Variants in NCAM1 observed in about 807,000 individuals in gnomAD.
NCAM1 encodes the protein neural cell adhesion molecule 1, also known as antigen recognized by monoclonal antibody 5.1H11.
A neutral mutation model predicts 109.8 loss-of-function variants in NCAM1; 14 were observed. That is an observed-to-expected ratio of 0.13 (90% confidence interval 0.08 to 0.20). The LOEUF (loss-of-function observed/expected upper bound fraction) is 0.20. Among genes scored for constraint, NCAM1 ranks in the 10% least tolerant of loss-of-function variants. The pLI is 1.00. For synonymous variants in NCAM1, 418 were observed against 442.9 expected, an observed-to-expected ratio of 0.94 and a Z score of 0.70; for missense variants, 774 against 1,109.9, an observed-to-expected ratio of 0.70 and a Z score of 4.30.
chr11:113,238,125 T>A (rs1355050764), intron 14 of NCAM1, among the ~76,000 whole-genome samples: 1 of 152,004 alleles, frequency 6.6e-6, no homozygotes, highest in Admixed American at 6.6e-5. Flanking sequence ...TCAAAATGGA[T>A]AAGTAACCAC....
intron 9 of NCAM1, chr11:113,231,227 G>C: frequency 6.5e-7 from 1 of 1,536,184 alleles, no homozygotes; most frequent in Admixed American, 2.0e-5. Context: ...CAAGTGGGCA[G>C]ACAGAAAGGA....
chr11:113,112,336 C>T (rs1193733461), intron 1 of NCAM1, among the ~76,000 whole-genome samples: 1 of 152,136 alleles, frequency 6.6e-6, no homozygotes, highest in African/African-American at 2.4e-5. Context: ...CTTTAAAAGG[C>T]ACAATAAATA....
chr11:113,142,654 C>T (rs977362585), intron 1 of NCAM1, among the ~76,000 whole-genome samples: 2 of 152,172 alleles, frequency 1.3e-5, no homozygotes, highest in African/African-American at 4.8e-5. Flanking sequence ...TGCAGTCCCC[C>T]TTTGCTGTGT....
At chr11:113,032,370 A>G (rs1952748068) in intron 1 of NCAM1, among the ~76,000 whole-genome samples, 1 of 152,060 alleles carries the variant, frequency 6.6e-6, no homozygotes, top group South Asian at 2.1e-4. Flanking sequence ...GGGATGTGGG[A>G]CTGCAGCAAG....
At position 113,233,585 on chromosome 11, in the gene NCAM1, G is replaced by A. The variant is rs141003591; in HGVS notation, c.1693+268G>A. On this transcript the variant is annotated intron_variant, in intron 13 of 19. Transcript: ENST00000316851. This position sits in a 1 kb window ranked among gnomAD's most constrained non-coding sequence, Gnocchi z 4.5. ...CAGGAACCTTGTGTAGGTTCTGAGC[G>A]CAGCCAGATGAGTCCAGCCCATAGG... Among the ~76,000 whole-genome samples the A allele has an allele frequency of 5.2e-4, 79 of 152,304 alleles. No homozygotes were observed. Among genetic ancestry groups the A allele is most frequent in the Middle Eastern group, 3.4e-3 (1 of 294 alleles).
intron 17 of NCAM1, chr11:113,264,448 C>G: frequency 1.0e-6 from 1 of 985,576 alleles, no homozygotes; most frequent in Non-Finnish European, 1.2e-6. Context: ...CTCAACCCAG[C>G]CACAAAACTC....
intron 8 of NCAM1, among the ~76,000 whole-genome samples, chr11:113,221,018 C>T (rs1187699636): frequency 1.3e-5 from 2 of 152,134 alleles, no homozygotes; most frequent in Non-Finnish European, 2.9e-5. Flanking sequence ...GCAGTCTGGT[C>T]CTACTGGTAT....
chr11:113,110,426 TA>T (rs750983341), intron 1 of NCAM1, among the ~76,000 whole-genome samples: 2 of 152,216 alleles, frequency 1.3e-5, no homozygotes, highest in Non-Finnish European at 2.9e-5. Flanking sequence ...TGCTCTGGTT[TA>T]AATTTGGCTA....
chr11:112,972,268 G>A (rs572976182), intron 1 of NCAM1, among the ~76,000 whole-genome samples: 34 of 152,250 alleles, frequency 2.2e-4, no homozygotes, highest in African/African-American at 7.5e-4. Flanking sequence ...AAGACTCAAA[G>A]ATGGTAGTAA....
intron 1 of NCAM1, among the ~76,000 whole-genome samples, chr11:113,092,947 A>C (rs1035351457): frequency 6.6e-6 from 1 of 152,200 alleles, no homozygotes; most frequent in African/African-American, 2.4e-5. Flanking sequence ...AAAATACTAA[A>C]TGCTAAAAGA....
chr11:113,135,565 C>T (rs1565456817), intron 1 of NCAM1, among the ~76,000 whole-genome samples: 1 of 152,138 alleles, frequency 6.6e-6, no homozygotes, highest in Non-Finnish European at 1.5e-5. Context: ...GATAGGCCCC[C>T]TGATTCAGGA....
intron 1 of NCAM1, among the ~76,000 whole-genome samples, chr11:113,103,904 GTTC>G (rs1254679591): frequency 2.0e-5 from 3 of 151,866 alleles, no homozygotes; most frequent in Non-Finnish European, 4.4e-5. Context: ...ATGAATTATT[GTTC>G]TTCTTTTGAC....
intron 1 of NCAM1, among the ~76,000 whole-genome samples, chr11:112,965,528 A>G (rs939501736): frequency 7.2e-5 from 11 of 152,174 alleles, no homozygotes; most frequent in African/African-American, 2.7e-4. Flanking sequence ...CCATTTTGTC[A>G]CTCAAAAGCT....
intron 1 of NCAM1, among the ~76,000 whole-genome samples, chr11:113,054,805 T>A (rs1953631521): frequency 1.3e-5 from 2 of 152,162 alleles, no homozygotes; most frequent in Admixed American, 6.5e-5. Context: ...TCTCCGTGAC[T>A]GCGATGATTA....
chr11:113,085,454 A>G (rs1555088127), intron 1 of NCAM1, among the ~76,000 whole-genome samples: 1 of 152,210 alleles, frequency 6.6e-6, no homozygotes, highest in Admixed American at 6.5e-5. Flanking sequence ...TTGTCTTGAA[A>G]AGTGATGGAT....
intron 17 of NCAM1, chr11:113,263,829 GT>G: frequency 1.0e-6 from 1 of 985,490 alleles, no homozygotes; most frequent in Non-Finnish European, 1.2e-6. Flanking sequence ...CCTGGCCTGT[GT>G]GTGCTCAGTA....
At chr11:113,132,321 A>G (rs540826540) in intron 1 of NCAM1, among the ~76,000 whole-genome samples, 1 of 152,332 alleles carries the variant, frequency 6.6e-6, no homozygotes, top group East Asian at 1.9e-4. Context: ...CTCTGACCTA[A>G]ATTTTGAGCC....
At chr11:113,185,395 G>A (rs955124559) in intron 1 of NCAM1, among the ~76,000 whole-genome samples, 2 of 152,032 alleles carry the variant, frequency 1.3e-5, no homozygotes, top group Admixed American at 1.3e-4. Flanking sequence ...CACCCACATT[G>A]GGAAAGTCAG....
intron 1 of NCAM1, among the ~76,000 whole-genome samples, chr11:113,088,295 A>G (rs1939178927): frequency 1.3e-5 from 2 of 152,214 alleles, no homozygotes; most frequent in South Asian, 4.1e-4. Context: ...TTCCTCAGCC[A>G]TTGGTAGGTG....
Sources: gnomAD v4.1 joint callset for allele counts (sites outside exome capture counted in the v4.1 genomes callset) on GRCh38, gnomAD v4.1.1 for gene constraint, Gnocchi (gnomAD v3.1) non-coding constraint, MANE v1.5 for transcripts, NCBI Gene and HGNC (gene_info 2026-07-23, HGNC 2026-07-21) for gene names.